Variants in SNX9 observed in about 807,000 individuals in gnomAD.
SNX9 encodes the protein sorting nexin 9.
A neutral mutation model predicts 89.4 loss-of-function variants in SNX9; 44 were observed. The ratio of observed to expected loss-of-function variants is 0.49; its 90% CI spans 0.39 to 0.63. SNX9 has a LOEUF of 0.63. Ranked by LOEUF, SNX9 falls within the 30% of genes least tolerant of loss-of-function variation. The probability of loss-of-function intolerance (pLI) is 0.00; values close to 1 mark genes in which losing one functional copy is unlikely to be tolerated. For missense variants in SNX9, 578 were observed against 736.1 expected (o/e 0.79, Z 2.49); for synonymous variants, 236 against 247.8 (o/e 0.95, Z 0.45).
At chr6:157,895,023 G>T (rs1442032409) in intron 4 of SNX9, among the ~76,000 whole-genome samples, 1 of 152,202 alleles carries the variant, frequency 6.6e-6, no homozygotes, top group Non-Finnish European at 1.5e-5. Context: ...TCACACTAGA[G>T]TCACATATAT....
intron 10 of SNX9, among the ~76,000 whole-genome samples, chr6:157,922,915 G>C (rs186228017): frequency 2.0e-5 from 3 of 152,270 alleles, no homozygotes; most frequent in African/African-American, 7.2e-5. Flanking sequence ...AAACTACAGG[G>C]AACCACCTCC....
At chr6:157,830,105 C>G (rs376133749) in intron 1 of SNX9, 1 of 152,184 alleles carries the variant, frequency 6.6e-6, no homozygotes, top group Non-Finnish European at 1.5e-5. Flanking sequence ...ATATCTTTTT[C>G]ACCACAAATT....
intron 10 of SNX9, among the ~76,000 whole-genome samples, chr6:157,925,430 T>C (rs1342116416): frequency 1.3e-5 from 2 of 152,040 alleles, no homozygotes; most frequent in East Asian, 3.8e-4. Flanking sequence ...AAGTTTGGCA[T>C]TTACTGAAGT....
Position 157,944,549 on chromosome 6 carries a change from T to C in SNX9, c.*1711T>C, listed in dbSNP as rs1484312455. The C allele has an allele frequency of 6.6e-6, 1 of 152,526 alleles. No individual in the cohort carries two copies. The highest frequency in any genetic ancestry group is 6.5e-5 in the Admixed American group (1 of 15,294). 9.4% of individuals were successfully genotyped at this position (152,526 alleles called of 1,614,324 possible). A position where few individuals can be genotyped will look rare whatever the true frequency, so the allele number is the denominator to read the frequency against. ...CTTTTTCAAAACACTTTTTGGACTT[T>C]GTGTGTGATTTTTGTTGTTGTTGTT... On this transcript the variant is annotated 3_prime_UTR_variant, in exon 18 of 18. Transcript: ENST00000392185.
intron 1 of SNX9, among the ~76,000 whole-genome samples, chr6:157,840,155 G>GCACAGTGAGGCCA (rs1562590741): frequency 2.8e-5 from 3 of 108,204 alleles, no homozygotes; most frequent in African/African-American, 8.9e-5. Context: ...GCTGGTGCTT[G>GCACAGTGAGGCCA]GGGTGTCTTT....
intron 1 of SNX9, among the ~76,000 whole-genome samples, chr6:157,861,570 A>T (rs1176302504): frequency 6.6e-6 from 1 of 152,194 alleles, no homozygotes; most frequent in Non-Finnish European, 1.5e-5. Flanking sequence ...TATAGCGATA[A>T]CTATAATATT....
At chr6:157,927,925 C>A (rs1225081637) in intron 11 of SNX9, among the ~76,000 whole-genome samples, 1 of 141,844 alleles carries the variant, frequency 7.1e-6, no homozygotes, top group Non-Finnish European at 1.6e-5. Context: ...AAAGTATAGA[C>A]AAGTAACACA....
rs778100862 is a variant in SNX9, at chr6:157,901,985, G to T, written c.560G>T (p.Gly187Val). The change falls in exon 6 of 18, where the codon GGC becomes GTC. Residue 187 changes from glycine to valine, a missense_variant. This residue lies in a region of SNX9 where 230 missense variants were observed against 244.7 expected (regional missense o/e 0.94). Coordinates refer to ENST00000392185, the MANE Select transcript of SNX9 (RefSeq NM_016224.5). ...YFKDSESADAGGAQRGNSRAS... is the reference protein window; with the variant it reads ...YFKDSESADAVGAQRGNSRAS... ...AAGGATTCAGAGTCAGCTGATGCAG[G>T]CGGCGCTCAGCGAGGAAACAGTCGT... 3.7e-6 allele frequency: 6 copies of T among 1,613,772 alleles called. No individual in the cohort carries two copies. Among genetic ancestry groups the T allele is most frequent in the Non-Finnish European group, 4.2e-6 (5 of 1,179,942 alleles).
intron 5 of SNX9, among the ~76,000 whole-genome samples, chr6:157,897,994 G>A (rs1346314154): frequency 6.6e-6 from 1 of 152,102 alleles, no homozygotes; most frequent in African/African-American, 2.4e-5. Flanking sequence ...AAATTCCAAG[G>A]GTTAGGAGAT....
intron 2 of SNX9, among the ~76,000 whole-genome samples, chr6:157,869,673 C>T (rs1261440081): frequency 6.6e-6 from 1 of 152,182 alleles, no homozygotes; most frequent in Non-Finnish European, 1.5e-5. Context: ...TCTGTCTAAA[C>T]GGCCAGTGTG....
At chr6:157,841,841 A>G (rs1781710046) in intron 1 of SNX9, among the ~76,000 whole-genome samples, 1 of 152,194 alleles carries the variant, frequency 6.6e-6, no homozygotes, top group Non-Finnish European at 1.5e-5. Flanking sequence ...ATGGTTTGGC[A>G]TGATTCAATA....
intron 1 of SNX9, among the ~76,000 whole-genome samples, chr6:157,862,202 C>CTTCACCATTTAGATTAAGGACAAA (rs1453324175): frequency 1.3e-5 from 2 of 152,144 alleles, no homozygotes; most frequent in Non-Finnish European, 2.9e-5. Flanking sequence ...GCATTTATGC[C>CTTCACCATTTAGATTAAGGACAAA]TTCACCATTT....
intron 7 of SNX9, among the ~76,000 whole-genome samples, chr6:157,908,328 C>G (rs568667305): frequency 6.6e-6 from 1 of 152,288 alleles, no homozygotes; most frequent in Admixed American, 6.5e-5. Flanking sequence ...GAATCTGCTT[C>G]CTGAATAGTG....
intron 6 of SNX9, among the ~76,000 whole-genome samples, chr6:157,902,602 C>T (rs890270156): frequency 6.6e-6 from 1 of 152,188 alleles, no homozygotes; most frequent in South Asian, 2.1e-4. Context: ...TGCCTAAAAA[C>T]GTGGTCCGGA....
At chr6:157,848,754 A>G (rs1781852324) in intron 1 of SNX9, among the ~76,000 whole-genome samples, 1 of 152,190 alleles carries the variant, frequency 6.6e-6, no homozygotes, top group Admixed American at 6.5e-5. Context: ...ACATGTCCAC[A>G]AGCAACGATA....
chr6:157,846,162 G>A (rs558991852), intron 1 of SNX9, among the ~76,000 whole-genome samples: 44 of 152,222 alleles, frequency 2.9e-4, no homozygotes, highest in Non-Finnish European at 4.6e-4. Flanking sequence ...GTCAGCTGCT[G>A]TTAGGCAAAA....
chr6:157,834,177 T>TTG (rs1562588817), intron 1 of SNX9, among the ~76,000 whole-genome samples: 6 of 124,618 alleles, frequency 4.8e-5, no homozygotes, highest in African/African-American at 1.6e-4. Context: ...TTTTTTTTTT[T>TTG]TTTTTTTTGA....
intron 4 of SNX9, among the ~76,000 whole-genome samples, chr6:157,880,172 C>T (rs766879391): frequency 6.6e-5 from 10 of 152,162 alleles, no homozygotes; most frequent in East Asian, 5.8e-4. Flanking sequence ...CTTGCCAGTG[C>T]GGCTCCACTG....
intron 1 of SNX9, among the ~76,000 whole-genome samples, chr6:157,831,607 C>T (rs1724480947): frequency 6.6e-6 from 1 of 152,214 alleles, no homozygotes; most frequent in Non-Finnish European, 1.5e-5. Context: ...AGCACAGAGC[C>T]AGGCTCCCAG....
Sources: allele counts gnomAD v4.1 joint callset (sites outside exome capture counted in the v4.1 genomes callset), GRCh38; gene constraint gnomAD v4.1.1; regional missense constraint gnomAD v4.1.1; transcripts MANE v1.5; gene names NCBI Gene and HGNC (gene_info 2026-07-23, HGNC 2026-07-21).